Variants in KCNQ5 observed in about 807,000 individuals in gnomAD.
The protein encoded by KCNQ5 is potassium voltage-gated channel subfamily KQT member 5.
Under a neutral mutation model 98.2 loss-of-function variants are expected in KCNQ5, and 30 were observed. That is an observed-to-expected ratio of 0.31 (90% CI 0.23 to 0.41). KCNQ5 has a LOEUF of 0.41. Among genes scored for constraint, KCNQ5 ranks in the 10% least tolerant of loss-of-function variants. The probability of loss-of-function intolerance (pLI) is 1.00; values close to 1 mark genes in which losing one functional copy is unlikely to be tolerated. For synonymous variants in KCNQ5, 458 were observed against 449.4 expected (o/e 1.02, Z -0.24); for missense variants, 835 against 1,182.5 (o/e 0.71, Z 4.31).
At chr6:72,974,197 C>T (rs971258425) in intron 1 of KCNQ5, among the ~76,000 whole-genome samples, 1 of 152,190 alleles carries the variant, frequency 6.6e-6, no homozygotes, top group African/African-American at 2.4e-5. Context: ...CATAATTACA[C>T]CTATTCATTT....
In KCNQ5 at chr6:72,622,232, G is replaced by A; in HGVS notation, c.43G>A (p.Gly15Arg). 2 of 1,237,056 alleles carry A rather than the reference G, an allele frequency of 1.6e-6. No individual in the cohort carries two copies. Among genetic ancestry groups the A allele is most frequent in the Middle Eastern group, 3.1e-4 (1 of 3,246 alleles). 76.6% of individuals were successfully genotyped at this position (1,237,056 alleles called of 1,614,324 possible). ...HAGGEEGGAA[G>R]LWVKSGAAAA... ...GGGAGGAGAGGAGGGCGGCGCCGCC[G>A]GGCTCTGGGTGAAGAGCGGCGCAGC... The change falls in exon 1 of 14, where the codon GGG (glycine) becomes AGG (arginine). Residue 15 changes from glycine to arginine, a missense_variant. By Grantham distance (125) the Gly-to-Arg change is moderately radical. Coordinates refer to ENST00000370398, the MANE Select transcript of KCNQ5 (RefSeq NM_019842.4). The surrounding 1 kb of genome is among the most constrained non-coding windows in gnomAD (Gnocchi z 6.0).
intron 1 of KCNQ5, among the ~76,000 whole-genome samples, chr6:72,905,970 T>C (rs1266850362): frequency 6.6e-6 from 1 of 152,114 alleles, no homozygotes; most frequent in Non-Finnish European, 1.5e-5. Flanking sequence ...CAAAAGTATA[T>C]ACCCTTTGTG....
intron 1 of KCNQ5, among the ~76,000 whole-genome samples, chr6:72,821,051 G>T (rs147920241): frequency 6.6e-6 from 1 of 152,180 alleles, no homozygotes; most frequent in African/African-American, 2.4e-5. Flanking sequence ...TCTCACCAAC[G>T]ACTATGTAGC....
At chr6:73,072,877 A>T (rs1314177383) in intron 3 of KCNQ5, among the ~76,000 whole-genome samples, 3 of 152,132 alleles carry the variant, frequency 2.0e-5, no homozygotes, top group Non-Finnish European at 4.4e-5. Context: ...GGTAGATTTT[A>T]AGAGTTCTGG....
chr6:72,718,640 G>C (rs369585798), intron 1 of KCNQ5, among the ~76,000 whole-genome samples: 2 of 151,548 alleles, frequency 1.3e-5, no homozygotes, highest in Non-Finnish European at 2.9e-5. Flanking sequence ...TAGTAGAGAC[G>C]GGGTTTCACC....
At chr6:72,719,186 A>T (rs1272267814) in intron 1 of KCNQ5, among the ~76,000 whole-genome samples, 1 of 152,176 alleles carries the variant, frequency 6.6e-6, no homozygotes, top group Non-Finnish European at 1.5e-5. Flanking sequence ...TCCCGTTCAG[A>T]TATTTAGACC....
intron 1 of KCNQ5, among the ~76,000 whole-genome samples, chr6:72,660,544 G>A (rs2154472876): frequency 6.6e-6 from 1 of 152,278 alleles, no homozygotes; most frequent in East Asian, 1.9e-4. Flanking sequence ...GAAGTAGTTA[G>A]CAGTACACTG....
chr6:73,036,370 C>A lies in KCNQ5; in HGVS notation c.490-5566C>A, dbSNP rs1413660773. Among the ~76,000 whole-genome samples, 4 of 124,476 alleles carry A rather than the reference C, an allele frequency of 3.2e-5. No individual in the cohort carries two copies. In the South Asian group the frequency reaches 8.4e-4, roughly 26 times the overall value. The allele number at this position is 124,476 out of a possible 152,430, so 81.7% of individuals were successfully genotyped here. On this transcript the variant is annotated intron_variant, in intron 2 of 13. Coordinates refer to ENST00000370398, the MANE Select transcript of KCNQ5 (RefSeq NM_019842.4). Reference sequence around the variant, plus strand: ...CACTGCACTCCATTCTGGGCAACAGCGCGAGACTCTGTCTCAAAAAAAAAA... The same window carrying A: ...CACTGCACTCCATTCTGGGCAACAGAGCGAGACTCTGTCTCAAAAAAAAAA...
At chr6:72,849,518 G>A (rs994223844) in intron 1 of KCNQ5, among the ~76,000 whole-genome samples, 1 of 152,096 alleles carries the variant, frequency 6.6e-6, no homozygotes, top group African/African-American at 2.4e-5. Flanking sequence ...TTTTTAAATA[G>A]GTTTGAGAAG....
chr6:72,760,445 TAC>T (rs1772207678), intron 1 of KCNQ5, among the ~76,000 whole-genome samples: 2 of 99,634 alleles, frequency 2.0e-5, no homozygotes, highest in African/African-American at 9.4e-5. Flanking sequence ...TTTTCAGGAG[TAC>T]GTGTGTGTGT....
intron 6 of KCNQ5, among the ~76,000 whole-genome samples, chr6:73,111,031 T>C (rs916669074): frequency 3.9e-5 from 6 of 152,228 alleles, no homozygotes; most frequent in Admixed American, 2.6e-4. Flanking sequence ...ATAATCATGG[T>C]GCCTATGCTA....
chr6:72,726,871 T>C (rs1205585575), intron 1 of KCNQ5, among the ~76,000 whole-genome samples: 6 of 152,222 alleles, frequency 3.9e-5, no homozygotes, highest in Admixed American at 2.0e-4. Flanking sequence ...AGATGGGGTC[T>C]CACTGTGTCA....
At chr6:73,012,729 A>G (rs995293424) in intron 2 of KCNQ5, among the ~76,000 whole-genome samples, 2 of 152,080 alleles carry the variant, frequency 1.3e-5, no homozygotes, top group Admixed American at 1.3e-4. Context: ...TTAATACCTA[A>G]GTGATGGGTT....
At chr6:73,069,083 A>G (rs563989868) in intron 3 of KCNQ5, among the ~76,000 whole-genome samples, 1 of 152,302 alleles carries the variant, frequency 6.6e-6, no homozygotes, top group Non-Finnish European at 1.5e-5. Context: ...AGTATTTTAA[A>G]TTTCAAAACT....
intron 1 of KCNQ5, among the ~76,000 whole-genome samples, chr6:72,822,805 G>A (rs1775816840): frequency 6.6e-6 from 1 of 152,154 alleles, no homozygotes; most frequent in South Asian, 2.1e-4. Flanking sequence ...AGGTCATAGG[G>A]AATAAAATCA....
chr6:72,849,624 G>A (rs995991698), intron 1 of KCNQ5, among the ~76,000 whole-genome samples: 9 of 152,092 alleles, frequency 5.9e-5, no homozygotes, highest in Non-Finnish European at 1.3e-4. Flanking sequence ...ACAGATTCAG[G>A]GAAAAGGGGG....
chr6:72,883,529 G>A (rs998948157), intron 1 of KCNQ5, among the ~76,000 whole-genome samples: 3 of 152,074 alleles, frequency 2.0e-5, no homozygotes, highest in Non-Finnish European at 2.9e-5. Context: ...ATAAAAAGAA[G>A]AGGAAGTCCA....
chr6:73,072,057 G>A (rs1773321953), intron 3 of KCNQ5, among the ~76,000 whole-genome samples: 1 of 152,110 alleles, frequency 6.6e-6, no homozygotes, highest in Non-Finnish European at 1.5e-5. Flanking sequence ...TAAACATCAA[G>A]AACATTGTAT....
At chr6:72,762,477 CAG>C (rs764131586) in intron 1 of KCNQ5, among the ~76,000 whole-genome samples, 2 of 151,912 alleles carry the variant, frequency 1.3e-5, no homozygotes, top group Admixed American at 6.6e-5. Flanking sequence ...TCGAAGACAG[CAG>C]AGTTAATTAT....
Sources: allele counts gnomAD v4.1 joint callset (sites outside exome capture counted in the v4.1 genomes callset), GRCh38; gene constraint gnomAD v4.1.1; non-coding constraint Gnocchi (gnomAD v3.1); transcripts MANE v1.5; gene names NCBI Gene and HGNC (gene_info 2026-07-23, HGNC 2026-07-21).